Variants in TIAM1 observed in about 807,000 individuals in gnomAD.
TIAM1 encodes TIAM Rac1 associated GEF 1.
TIAM1 carries 65 observed loss-of-function variants against 163.5 expected under a neutral mutation model. The ratio of observed to expected loss-of-function variants is 0.40; its 90% CI spans 0.33 to 0.49. TIAM1 has a LOEUF of 0.49. Ranked by LOEUF, TIAM1 falls within the 20% of genes least tolerant of loss-of-function variation. The probability of loss-of-function intolerance (pLI) is 0.77; values close to 1 mark genes in which losing one functional copy is unlikely to be tolerated. For missense variants in TIAM1, 1,789 were observed against 2,044.7 expected, an observed-to-expected ratio of 0.87 and a Z score of 2.41; for synonymous variants, 833 against 810.1, an observed-to-expected ratio of 1.03 and a Z score of -0.48.
chr21:31,368,983 T>C lies in TIAM1; in HGVS notation c.-368-29561A>G, dbSNP rs564520053. Reference sequence around the variant, plus strand: ...GGTCGGGCGTGGTGGCTCACGCCTGTAATCCCAGCACTTTGGGAGGCCGAG... The same window carrying C: ...GGTCGGGCGTGGTGGCTCACGCCTGCAATCCCAGCACTTTGGGAGGCCGAG... On this transcript the variant is annotated intron_variant, in intron 2 of 28. Transcript: ENST00000286827. Among the ~76,000 whole-genome samples the C allele has an allele frequency of 8.0e-4, 121 of 152,190 alleles. 1 individual carries two copies. Among genetic ancestry groups the C allele is most frequent in the Middle Eastern group, 3.4e-3 (1 of 294 alleles).
rs575594050 is a variant in TIAM1 at position 31,268,542 on chromosome 21, A to G, written c.-11-1559T>C. 2.6e-5 allele frequency among the ~76,000 whole-genome samples: 4 copies of G among 152,356 alleles called. No individual in the cohort carries two copies. The South Asian group carries it at 8.3e-4, about 32-fold the overall frequency. On this transcript the variant is annotated intron_variant, in intron 3 of 27. Transcript: ENST00000541036. ...TCCAGTGAGTTCAGGGGTAACTCAT[A>G]CAGACACCAGATGTTAAGCTGTTCC...
intron 2 of TIAM1, among the ~76,000 whole-genome samples, chr21:31,282,337 T>G (rs1228051971): frequency 6.6e-6 from 1 of 152,238 alleles, no homozygotes; most frequent in East Asian, 1.9e-4. Flanking sequence ...GAAAATTATT[T>G]TTTTAAAAAC....
intron 2 of TIAM1, among the ~76,000 whole-genome samples, chr21:31,282,103 A>G (rs1429474933): frequency 6.6e-6 from 1 of 152,234 alleles, no homozygotes; most frequent in Non-Finnish European, 1.5e-5. Flanking sequence ...AGTAAGCTTT[A>G]TAACAGCCAA....
chr21:31,544,883 T>C (rs556382093), intron 1 of TIAM1, among the ~76,000 whole-genome samples: 377 of 150,952 alleles, frequency 2.5e-3, no homozygotes, highest in Non-Finnish European at 4.4e-3. Context: ...CGTGGCAGCA[T>C]GCGCCTGTAT....
At position 31,419,243 on chromosome 21, in the gene TIAM1, GC is replaced by G. The variant is rs775612704; in HGVS notation, c.-369+44739del. ...GGATCATTATTGCTAATTCTCTTCA[GC>G]TGCACATGAATGCGTGAGAAATTCA... On this transcript the variant is annotated intron_variant, in intron 2 of 28. Coordinates refer to the TIAM1 transcript ENST00000286827. Among the ~76,000 whole-genome samples the G allele has an allele frequency of 7.2e-5, 11 of 152,204 alleles. No individual in the cohort carries two copies. The East Asian group carries it at 1.7e-3, about 24-fold the overall frequency.
In TIAM1 at chr21:31,210,778, GAAAGAAAGAA is replaced by G. The variant is rs1481399464; in HGVS notation, c.2218-573_2218-564del. 9.9e-5 allele frequency among the ~76,000 whole-genome samples: 14 copies of G among 141,168 alleles called. 1 individual carries two copies. The highest frequency in any genetic ancestry group is 4.0e-4 in the African/African-American group (13 of 32,216). 92.6% of individuals were successfully genotyped at this position (141,168 alleles called of 152,430 possible). On this transcript the variant is annotated intron_variant, in intron 10 of 27. Coordinates refer to ENST00000541036, the MANE Select transcript of TIAM1 (RefSeq NM_001353694.2). ...AGAAAGAAAGAAAGAAAGAAAGAAA[GAAAGAAAGAA>G]AGAAAGAAAGAAAGAAAGAAAGAAA...
intron 6 of TIAM1, among the ~76,000 whole-genome samples, chr21:31,238,092 CTG>C (rs2070987723): frequency 6.6e-6 from 1 of 152,190 alleles, no homozygotes; most frequent in Admixed American, 6.5e-5. Flanking sequence ...ATGGGTGAAT[CTG>C]TGGGTATTTG....
chr21:31,272,808 G>GCAA (rs971843374), intron 3 of TIAM1, among the ~76,000 whole-genome samples: 3 of 151,944 alleles, frequency 2.0e-5, no homozygotes. Flanking sequence ...AATGAATTAG[G>GCAA]CAACAACAAC....
intron 2 of TIAM1, among the ~76,000 whole-genome samples, chr21:31,456,127 G>C (rs1037733919): frequency 6.6e-6 from 1 of 152,184 alleles, no homozygotes; most frequent in Non-Finnish European, 1.5e-5. Context: ...GTTCCAGAAG[G>C]GGGTTGTTGG....
chr21:31,502,551 G>A (rs1421200005), intron 1 of TIAM1, among the ~76,000 whole-genome samples: 2 of 152,136 alleles, frequency 1.3e-5, no homozygotes, highest in South Asian at 2.1e-4. Flanking sequence ...CCAAGCATGA[G>A]GAAAATGGAA....
intron 2 of TIAM1, among the ~76,000 whole-genome samples, chr21:31,363,775 C>T (rs1248077602): frequency 6.6e-6 from 1 of 152,048 alleles, no homozygotes; most frequent in Non-Finnish European, 1.5e-5. Flanking sequence ...ATCCAGATTA[C>T]AATCTTAGAG....
intron 1 of TIAM1, among the ~76,000 whole-genome samples, chr21:31,497,115 G>A (rs1040409179): frequency 4.6e-5 from 7 of 152,162 alleles, no homozygotes; most frequent in African/African-American, 1.2e-4. Flanking sequence ...GACCGGTATC[G>A]GTCAGGGGTT....
intron 2 of TIAM1, among the ~76,000 whole-genome samples, chr21:31,449,261 G>C (rs988500583): frequency 1.3e-5 from 2 of 152,058 alleles, no homozygotes; most frequent in African/African-American, 4.8e-5. Context: ...CACCGTGGCT[G>C]GTCAGGATTG....
At chr21:31,320,907 G>C (rs775369957) in intron 2 of TIAM1, among the ~76,000 whole-genome samples, 9 of 151,986 alleles carry the variant, frequency 5.9e-5, no homozygotes, top group Non-Finnish European at 1.2e-4. Flanking sequence ...CTGCAAAATT[G>C]CTTGAACCTG....
At chr21:31,530,736 C>G (rs1344134301) in intron 1 of TIAM1, among the ~76,000 whole-genome samples, 2 of 152,182 alleles carry the variant, frequency 1.3e-5, no homozygotes, top group Non-Finnish European at 2.9e-5. Context: ...CCAGAACCAA[C>G]CTCCAAGACC....
At chr21:31,360,750 T>C (rs1020115502) in intron 2 of TIAM1, among the ~76,000 whole-genome samples, 2 of 152,168 alleles carry the variant, frequency 1.3e-5, no homozygotes, top group African/African-American at 2.4e-5. Flanking sequence ...CAAGTGACAT[T>C]TGTCAGGCAG....
At chr21:31,387,155 G>A (rs936257917) in intron 2 of TIAM1, among the ~76,000 whole-genome samples, 4 of 148,586 alleles carry the variant, frequency 2.7e-5, no homozygotes, top group Non-Finnish European at 6.0e-5. Flanking sequence ...AGAGCAGACT[G>A]AAGCTCAATA....
At chr21:31,463,040 C>G (rs868581481) in intron 2 of TIAM1, among the ~76,000 whole-genome samples, 2 of 152,144 alleles carry the variant, frequency 1.3e-5, no homozygotes, top group African/African-American at 2.4e-5. Context: ...CCACCGCGCC[C>G]AGCCAGCCTG....
rs1190857584 is a variant in TIAM1 at position 31,251,777 on chromosome 21, C to T, written c.1376G>A (p.Arg459Gln). Residue 459 changes from arginine (R) to glutamine (Q), a missense_variant, in exon 5 of 28, where the codon CGG becomes CAG. Arg to Gln is a conservative substitution (Grantham distance 43, BLOSUM62 1). This residue lies in a region of TIAM1 where 456 missense variants were observed against 586.6 expected (regional missense o/e 0.78). Coordinates refer to ENST00000541036, the MANE Select transcript of TIAM1 (RefSeq NM_001353694.2). ...KKNKKVESAT[R>Q]RKWKHYWVSL... The stretch of plus-strand genomic sequence containing the variant: ...CACCCAGTAGTGCTTCCACTTCCTC[C>T]GGGTGGCTGACTCCACCTTCTTGTT... 4 of 1,606,240 alleles carry T rather than the reference C, an allele frequency of 2.5e-6. No homozygotes were observed. The highest frequency in any genetic ancestry group is 2.7e-5 in the African/African-American group (2 of 74,832).
Sources: gnomAD v4.1 joint callset for allele counts (sites outside exome capture counted in the v4.1 genomes callset) on GRCh38, gnomAD v4.1.1 for gene constraint, gnomAD v4.1.1 regional missense constraint, MANE v1.5 for transcripts, NCBI Gene and HGNC (gene_info 2026-07-23, HGNC 2026-07-21) for gene names.